The following KATNAL2 variants were observed in gnomAD, a reference collection of about 807,000 sequenced individuals.
KATNAL2 encodes katanin catalytic subunit A1 like 2.
In KATNAL2, 52 loss-of-function variants were observed where a neutral mutation model predicts 76.3. That is an observed-to-expected ratio of 0.68 (90% confidence interval 0.55 to 0.86). The LOEUF is 0.86. Ranked by LOEUF, KATNAL2 falls within the 40% of genes least tolerant of loss-of-function variation. The pLI is 0.00. For synonymous variants in KATNAL2, 243 were observed against 244.2 expected (o/e 1.00, Z 0.05); for missense variants, 660 against 668.9 (o/e 0.99, Z 0.15).
At chr18:46,952,405 T>TTG (rs1555833662) in intron 3 of KATNAL2, among the ~76,000 whole-genome samples, 1 of 139,300 alleles carries the variant, frequency 7.2e-6, no homozygotes, top group African/African-American at 2.7e-5. Context: ...TTTTTTTTTT[T>TTG]TTTTTTTTTT....
At chr18:46,948,413 ACTT>A (rs955855035) in intron 3 of KATNAL2, among the ~76,000 whole-genome samples, 24 of 145,262 alleles carry the variant, frequency 1.7e-4, no homozygotes, top group Middle Eastern at 3.7e-3. Flanking sequence ...TGCCTGGCCG[ACTT>A]CTTCTTCTTC....
intron 15 of KATNAL2, among the ~76,000 whole-genome samples, chr18:47,092,454 G>A (rs774432123): frequency 8.7e-4 from 133 of 152,094 alleles, no homozygotes; most frequent in Non-Finnish European, 1.8e-3. Flanking sequence ...AGCCAAGATC[G>A]CACCACTGCA....
intron 3 of KATNAL2, among the ~76,000 whole-genome samples, chr18:46,947,610 T>G (rs1047477584): frequency 4.6e-5 from 7 of 152,092 alleles, no homozygotes; most frequent in Non-Finnish European, 8.8e-5. Context: ...AAAAATAAAG[T>G]TAAAAAATAC....
At chr18:46,947,730 T>A (rs532989977) in intron 3 of KATNAL2, among the ~76,000 whole-genome samples, 1 of 152,322 alleles carries the variant, frequency 6.6e-6, no homozygotes, top group East Asian at 1.9e-4. Context: ...TAGCCAAGGT[T>A]ATGAACCACA....
intron 1 of KATNAL2, among the ~76,000 whole-genome samples, chr18:46,933,680 T>A (rs2059000816): frequency 6.6e-6 from 1 of 151,538 alleles, no homozygotes; most frequent in Non-Finnish European, 1.5e-5. Flanking sequence ...AGGGTACATG[T>A]GCACAATGTG....
chr18:47,033,751 C>A (rs181268056), intron 3 of KATNAL2: 3 of 1,614,204 alleles, frequency 1.9e-6, no homozygotes, highest in Non-Finnish European at 2.5e-6. Flanking sequence ...CACTCTGCGT[C>A]CAGGGAAAGC....
chr18:47,034,640 G>C (rs764193394), intron 3 of KATNAL2: 3 of 1,614,026 alleles, frequency 1.9e-6, no homozygotes, highest in South Asian at 2.2e-5. Flanking sequence ...TGGCAGCCTG[G>C]ACACAGCAGA....
chr18:46,939,887 C>T lies in KATNAL2; in HGVS notation c.-509-6170C>T, dbSNP rs79308553. Among the ~76,000 whole-genome samples the T allele has an allele frequency of 3.7e-3, 568 of 152,260 alleles. 9 individuals carry two copies. Among genetic ancestry groups the T allele is most frequent in the East Asian group, 0.035 (181 of 5,182 alleles). ...GACATAGGTTACCCTGCTATCCTTC[C>T]AGTAAAATACACCCCCTTCATTTTT... is the stretch of plus-strand genomic sequence containing the variant. On this transcript the variant is annotated intron_variant, in intron 1 of 17. Coordinates refer to ENST00000683218, the MANE Select transcript of KATNAL2 (RefSeq NM_001387690.1).
At chr18:46,961,682 C>A (rs763457858) in intron 3 of KATNAL2, among the ~76,000 whole-genome samples, 2 of 152,202 alleles carry the variant, frequency 1.3e-5, no homozygotes, top group Non-Finnish European at 1.5e-5. Context: ...TTTTTGACCA[C>A]CAATTTTTGA....
chr18:47,089,465 A>G (rs1479965369), intron 15 of KATNAL2, among the ~76,000 whole-genome samples: 1 of 152,090 alleles, frequency 6.6e-6, no homozygotes, highest in Admixed American at 6.6e-5. Context: ...TTCATTCTTC[A>G]TTATAAAGAA....
At chr18:47,061,677 G>A (rs1371539328) in intron 8 of KATNAL2, among the ~76,000 whole-genome samples, 1 of 152,128 alleles carries the variant, frequency 6.6e-6, no homozygotes, top group Non-Finnish European at 1.5e-5. Context: ...ACCTGGCTCA[G>A]ATGCTCCCCC....
chr18:46,958,963 A>G (rs1306581361), intron 3 of KATNAL2, among the ~76,000 whole-genome samples: 1 of 152,230 alleles, frequency 6.6e-6, no homozygotes, highest in African/African-American at 2.4e-5. Flanking sequence ...AACCTTTTAT[A>G]TTACAAAATA....
rs569451193 is a variant in KATNAL2, at chr18:46,921,151, G to A, written c.-510+3225G>A. 6.6e-5 allele frequency among the ~76,000 whole-genome samples: 10 copies of A among 152,160 alleles called. 1 individual carries two copies. Among genetic ancestry groups the A allele is most frequent in the South Asian group, 4.2e-4 (2 of 4,812 alleles). On this transcript the variant is annotated intron_variant, in intron 1 of 17. Transcript: ENST00000683218. ...TGTTTCTGTTTTTGCTTTTTGGGAC[G>A]GAGTCTCGCTCTGTTGCCCAGTCTG...
chr18:46,922,789 C>T (rs959658854), intron 1 of KATNAL2, among the ~76,000 whole-genome samples: 1 of 151,524 alleles, frequency 6.6e-6, no homozygotes, highest in Non-Finnish European at 1.5e-5. Flanking sequence ...AAAAGTGAAA[C>T]TCCATCTCAA....
At chr18:47,058,137 A>G (rs2061522605) in intron 6 of KATNAL2, 98 bp from the exon 7 acceptor site, 1 of 845,348 alleles carries the variant, frequency 1.2e-6, no homozygotes, top group Non-Finnish European at 2.0e-6. Context: ...ATCTTTCAAT[A>G]GCTTTCTTAA....
Position 47,063,505 on chromosome 18 carries a change from A to C in KATNAL2, c.726+144A>C. On this transcript the variant is annotated intron_variant, in intron 10 of 17. Coordinates refer to ENST00000683218, the MANE Select transcript of KATNAL2 (RefSeq NM_001387690.1). Reference sequence around the variant, plus strand: ...ACTTGCGCAGGCACTCATATTGTTTAGAGGCACAATAATGCATGATAAATA... The same window carrying C: ...ACTTGCGCAGGCACTCATATTGTTTCGAGGCACAATAATGCATGATAAATA... The C allele has an allele frequency of 5.0e-6, 3 of 603,922 alleles. No individual in the cohort carries two copies. In the South Asian group the frequency reaches 6.6e-5, roughly 13 times the overall value. 37.4% of individuals were successfully genotyped at this position (603,922 alleles called of 1,614,324 possible).
chr18:46,960,947 C>A (rs2059921523), intron 3 of KATNAL2, among the ~76,000 whole-genome samples: 1 of 152,118 alleles, frequency 6.6e-6, no homozygotes. Flanking sequence ...ACTGAGCTCC[C>A]TAAAAAAGAA....
At chr18:46,955,999 G>C (rs2059734122) in intron 3 of KATNAL2, among the ~76,000 whole-genome samples, 1 of 152,240 alleles carries the variant, frequency 6.6e-6, no homozygotes, top group African/African-American at 2.4e-5. Context: ...CTCTTGCAGA[G>C]GTTGGTTTCA....
chr18:47,063,322 G>T lies in KATNAL2; in HGVS notation c.687G>T (p.Met229Ile). 1 of 1,614,010 alleles carries T rather than the reference G, an allele frequency of 6.2e-7. No individual in the cohort carries two copies. Among genetic ancestry groups the T allele is most frequent in the South Asian group, 1.1e-5 (1 of 91,060 alleles). Residue 229 changes from methionine to isoleucine, a missense_variant, in exon 10 of 18, where the codon ATG (methionine) becomes ATT (isoleucine). Transcript: ENST00000683218. ...LLKPLSAFIG[M>I]NSEMRELAAV... The stretch of plus-strand genomic sequence containing the variant: ...AACCTCTGAGTGCATTTATTGGCAT[G>T]AACAGTGAGATGCGAGAATTGGCAG...
Sources: gnomAD v4.1 joint callset for allele counts (sites outside exome capture counted in the v4.1 genomes callset) on GRCh38, gnomAD v4.1.1 for gene constraint, MANE v1.5 for transcripts, NCBI Gene and HGNC (gene_info 2026-07-23, HGNC 2026-07-21) for gene names.